Variants in DCBLD1 observed in about 807,000 individuals in gnomAD.
DCBLD1 encodes discoidin, CUB and LCCL domain-containing protein 1.
DCBLD1 carries 57 observed loss-of-function variants against 71.5 expected under a neutral mutation model. That is an observed-to-expected ratio of 0.80 (90% CI 0.64 to 0.99). The LOEUF is 0.99. Ranked by LOEUF, DCBLD1 falls within the 50% of genes least tolerant of loss-of-function variation. The probability of loss-of-function intolerance (pLI) is 0.00; values close to 1 mark genes in which losing one functional copy is unlikely to be tolerated. For synonymous variants in DCBLD1, 380 were observed against 363.8 expected, an observed-to-expected ratio of 1.04 and a Z score of -0.51; for missense variants, 891 against 923.5, an observed-to-expected ratio of 0.96 and a Z score of 0.46.
At chr6:117,559,383 T>G (rs1416011566) in intron 14 of DCBLD1, among the ~76,000 whole-genome samples, 1 of 152,172 alleles carries the variant, frequency 6.6e-6, no homozygotes, top group Middle Eastern at 3.2e-3. Context: ...TGGACTACAA[T>G]GTAATCCTAA....
rs1301587364 is a variant in DCBLD1, at chr6:117,548,540, G to A, written c.*101G>A. 2 of 1,508,292 alleles carry A rather than the reference G, an allele frequency of 1.3e-6. No individual in the cohort carries two copies. Among genetic ancestry groups the A allele is most frequent in the Admixed American group, 2.1e-5 (1 of 47,398 alleles). 93.4% of individuals were successfully genotyped at this position (1,508,292 alleles called of 1,614,324 possible). Reference sequence around the variant, plus strand: ...GTCCAGAGTGTGCGTGTGTATCGGTGTGTGTGTACACTTGCATGTGTGTGT... The same window carrying A: ...GTCCAGAGTGTGCGTGTGTATCGGTATGTGTGTACACTTGCATGTGTGTGT... On this transcript the variant is annotated 3_prime_UTR_variant, in exon 15 of 15. Coordinates refer to ENST00000338728, the MANE Select transcript of DCBLD1 (RefSeq NM_001366458.2).
At position 117,504,095 on chromosome 6, in the gene DCBLD1, T is replaced by A. The variant is rs986511936; in HGVS notation, c.325+116T>A. The A allele has an allele frequency of 4.9e-5, 57 of 1,153,096 alleles. No individual in the cohort carries two copies. The Admixed American group carries it at 1.0e-3, about 21-fold the overall frequency. The allele number at this position is 1,153,096 out of a possible 1,614,324, so 71.4% of individuals were successfully genotyped here. The stretch of plus-strand genomic sequence containing the variant: ...GAGAAGATTAGAAGAGAAACTTGCT[T>A]CTGTAAATTCTTGGGGGTAACTTAG... On this transcript the variant is annotated intron_variant, in intron 2 of 14. Coordinates refer to ENST00000338728, the MANE Select transcript of DCBLD1 (RefSeq NM_001366458.2).
downstream of DCBLD1, chr6:117,549,859 G>A: frequency 1.0e-6 from 1 of 985,420 alleles, no homozygotes; most frequent in Non-Finnish European, 1.2e-6. Flanking sequence ...TCAAGGTTCA[G>A]CTTCTGTAAA....
intron 1 of DCBLD1, among the ~76,000 whole-genome samples, chr6:117,491,827 G>A (rs1335622787): frequency 6.6e-6 from 1 of 152,136 alleles, no homozygotes. Context: ...GTCCTAAAGT[G>A]TACTCACCGC....
intron 3 of DCBLD1, among the ~76,000 whole-genome samples, chr6:117,520,994 G>C (rs1016329425): frequency 2.0e-5 from 3 of 152,184 alleles, no homozygotes; most frequent in African/African-American, 4.8e-5. Flanking sequence ...ATATTAGTTT[G>C]GTTCTGTAAA....
rs558353819 is a variant in DCBLD1 at position 117,488,335 on chromosome 6, CTG to C, written c.112+5445_112+5446del. Among the ~76,000 whole-genome samples the C allele has an allele frequency of 1.7e-3, 252 of 152,318 alleles. 2 individuals carry two copies. Among genetic ancestry groups the C allele is most frequent in the African/African-American group, 5.5e-3 (228 of 41,572 alleles). ...GACTATTGTGGAGCGTTAGGAAACA[CTG>C]TGCAGGTATTTAAGAAAATAACTAG... On this transcript the variant is annotated intron_variant, in intron 1 of 14. Transcript: ENST00000338728.
chr6:117,548,104 G>C lies in DCBLD1; in HGVS notation c.1813G>C (p.Val605Leu), dbSNP rs932429910. The change falls in exon 15 of 15, where the codon GTG becomes CTG. Residue 605 changes from valine to leucine, a missense_variant. Coordinates refer to ENST00000338728, the MANE Select transcript of DCBLD1 (RefSeq NM_001366458.2). The part of the protein sequence containing the change: ...PPEPEYATPI[V>L]ERHVLRAHTF... ...GGAGCCCGAGTACGCCACGCCCATC[G>C]TGGAGCGGCACGTGCTGCGCGCCCA... The C allele has an allele frequency of 3.6e-5, 56 of 1,549,484 alleles. No individual in the cohort carries two copies. In the Admixed American group the frequency reaches 1.1e-3, roughly 30 times the overall value.
chr6:117,499,535 T>C (rs773050071), intron 1 of DCBLD1, among the ~76,000 whole-genome samples: 14 of 152,218 alleles, frequency 9.2e-5, no homozygotes, highest in Non-Finnish European at 1.8e-4. Flanking sequence ...TTGATTGACA[T>C]TATTTTTTCA....
At chr6:117,482,964 CCGGGCCGGGCCGAGGGCTACGGGG>C (rs1184923241) in intron 1 of DCBLD1, 71 bp downstream of exon 1, 67 of 605,526 alleles carry the variant, frequency 1.1e-4, no homozygotes, top group Middle Eastern at 1.5e-3. Flanking sequence ...GCGGGGCGGG[CCGGGCCGGGCCGAGGGCTACGGGG>C]CGGGCCGGGC....
At chr6:117,510,736 G>T (rs1167945131) in intron 2 of DCBLD1, among the ~76,000 whole-genome samples, 1 of 152,172 alleles carries the variant, frequency 6.6e-6, no homozygotes, top group African/African-American at 2.4e-5. Flanking sequence ...TATTCACACT[G>T]TAGGGAAATT....
downstream of DCBLD1, among the ~76,000 whole-genome samples, chr6:117,551,149 T>C (rs973369860): frequency 2.0e-5 from 3 of 152,200 alleles, no homozygotes; most frequent in African/African-American, 7.2e-5. Flanking sequence ...TTATTTTGTC[T>C]TTGGTATTCT....
At chr6:117,517,339 G>C (rs1778233855) in intron 2 of DCBLD1, among the ~76,000 whole-genome samples, 1 of 152,224 alleles carries the variant, frequency 6.6e-6, no homozygotes, top group African/African-American at 2.4e-5. Flanking sequence ...GATGCAAGAG[G>C]TGAGTTCCCA....
chr6:117,516,994 A>T (rs1778222855), intron 2 of DCBLD1, among the ~76,000 whole-genome samples: 1 of 152,154 alleles, frequency 6.6e-6, no homozygotes, highest in Non-Finnish European at 1.5e-5. Context: ...CCCAAGTCTC[A>T]TGTCCTCATA....
Position 117,519,685 on chromosome 6 carries a change from G to C in DCBLD1, c.326-131G>C, listed in dbSNP as rs980210534. 4 of 1,219,162 alleles carry C rather than the reference G, an allele frequency of 3.3e-6. No homozygotes were observed. The African/African-American group carries it at 4.5e-5, about 14-fold the overall frequency. The allele number at this position is 1,219,162 out of a possible 1,614,324, so 75.5% of individuals were successfully genotyped here. On this transcript the variant is annotated intron_variant, in intron 2 of 14. Coordinates refer to ENST00000338728, the MANE Select transcript of DCBLD1 (RefSeq NM_001366458.2). ...AGTCTGAGCGTCAAGCTAAATTTCAGTTGGTAAAGATTATAATCATACATA... is the reference window on the plus strand; with the variant it reads ...AGTCTGAGCGTCAAGCTAAATTTCACTTGGTAAAGATTATAATCATACATA...
rs541376429 is a variant in DCBLD1 at position 117,549,629 on chromosome 6, A to G, written c.*1190A>G. On this transcript the variant is annotated 3_prime_UTR_variant, in exon 15 of 15. Transcript: ENST00000338728. ...TCCCTGAAGAATGTATTATAACCCT[A>G]TTTGTGTGGTTATTACATCCTGTGA... The G allele has an allele frequency of 1.9e-5, 19 of 985,238 alleles. 1 individual carries two copies. In the East Asian group the frequency reaches 1.6e-3, roughly 82 times the overall value. 61.0% of individuals were successfully genotyped at this position (985,238 alleles called of 1,614,324 possible).
At chr6:117,531,926 C>T (rs1778734886) in intron 5 of DCBLD1, among the ~76,000 whole-genome samples, 3 of 152,188 alleles carry the variant, frequency 2.0e-5, no homozygotes, top group Admixed American at 2.0e-4. Context: ...GAGCAATTTG[C>T]CTCCACCCAC....
intron 1 of DCBLD1, chr6:117,494,947 G>C (rs573234254): frequency 6.6e-6 from 1 of 152,106 alleles, no homozygotes; most frequent in Non-Finnish European, 1.5e-5. Context: ...ACTGCAACAC[G>C]CATCAGAGCT....
At chr6:117,503,455 A>T in intron 1 of DCBLD1, 1 of 310,836 alleles carries the variant, frequency 3.2e-6, no homozygotes, top group Non-Finnish European at 6.0e-6. Context: ...AGGCCTGCTG[A>T]GCAAGTTTGG....
chr6:117,508,864 G>C (rs1310450548), intron 2 of DCBLD1, among the ~76,000 whole-genome samples: 3 of 152,154 alleles, frequency 2.0e-5, no homozygotes, highest in Non-Finnish European at 2.9e-5. Flanking sequence ...GGGTCTCAAA[G>C]GAGGTTGTTC....
Sources: gnomAD v4.1 joint callset for allele counts (sites outside exome capture counted in the v4.1 genomes callset) on GRCh38, gnomAD v4.1.1 for gene constraint, MANE v1.5 for transcripts, NCBI Gene and HGNC (gene_info 2026-07-23, HGNC 2026-07-21) for gene names.